The following FOXO1 variants were observed in gnomAD, a reference collection of about 807,000 sequenced individuals.
FOXO1 encodes the protein forkhead box O1.
A neutral mutation model predicts 44.1 loss-of-function variants in FOXO1; 6 were observed. That is an observed-to-expected ratio of 0.14 (90% CI 0.07 to 0.27). The LOEUF (loss-of-function observed/expected upper bound fraction) is 0.27. Among genes scored for constraint, FOXO1 ranks in the 10% least tolerant of loss-of-function variants. FOXO1 has a pLI of 1.00. For missense variants in FOXO1, 737 were observed against 888.8 expected, an observed-to-expected ratio of 0.83 and a Z score of 2.17; for synonymous variants, 380 against 362.7, an observed-to-expected ratio of 1.05 and a Z score of -0.54.
At chr13:40,632,632 C>T (rs1308790267) in intron 1 of FOXO1, among the ~76,000 whole-genome samples, 2 of 150,892 alleles carry the variant, frequency 1.3e-5, no homozygotes, top group African/African-American at 4.9e-5. Flanking sequence ...AGCAAGACTC[C>T]ATTTCAAAAA....
At chr13:40,612,069 A>G (rs142669542) in intron 1 of FOXO1, among the ~76,000 whole-genome samples, 38 of 152,254 alleles carry the variant, frequency 2.5e-4, no homozygotes, top group East Asian at 9.7e-4. Context: ...ACCCTGTCTC[A>G]ATAAATAAAT....
At chr13:40,657,058 C>A (rs986967144) in intron 1 of FOXO1, among the ~76,000 whole-genome samples, 12 of 152,152 alleles carry the variant, frequency 7.9e-5, no homozygotes, top group African/African-American at 2.4e-4. Flanking sequence ...TGGTCTCAAT[C>A]TCCTGACTTC....
intron 1 of FOXO1, among the ~76,000 whole-genome samples, chr13:40,577,740 C>T (rs1475113954): frequency 2.0e-5 from 3 of 152,084 alleles, no homozygotes; most frequent in East Asian, 3.9e-4. Flanking sequence ...AAATATTATA[C>T]ATGAACTTTT....
chr13:40,558,808 T>C lies in FOXO1; in HGVS notation c.*241A>G, dbSNP rs1873857984. 4 of 398,968 alleles carry C rather than the reference T, an allele frequency of 1.0e-5. No individual in the cohort carries two copies. The highest frequency in any genetic ancestry group is 1.8e-5 in the Non-Finnish European group (4 of 226,034). The allele number at this position is 398,968 out of a possible 1,614,324, so 24.7% of individuals were successfully genotyped here. ...CACTTCATTGTAATGAAATTTCCAA[T>C]GGCACAGTCCTTATCTACAGCAGCA... is the stretch of plus-strand genomic sequence containing the variant. On this transcript the variant is annotated 3_prime_UTR_variant, in exon 3 of 3. Transcript: ENST00000379561.
At chr13:40,590,610 C>T (rs1875331450) in intron 1 of FOXO1, among the ~76,000 whole-genome samples, 1 of 152,238 alleles carries the variant, frequency 6.6e-6, no homozygotes, top group Non-Finnish European at 1.5e-5. Context: ...TCCATCTCCA[C>T]AGCATGGGTT....
chr13:40,619,760 C>G lies in FOXO1; in HGVS notation c.630+45823G>C. On this transcript the variant is annotated intron_variant, in intron 1 of 2. Transcript: ENST00000379561. ...ACAGTAGGAAGATTAAAAAATGGAA[C>G]TGGGGGATCAGCTGGCATTCCCAGA... The G allele has an allele frequency of 3.5e-6, 3 of 845,714 alleles. No homozygotes were observed. In the South Asian group the frequency reaches 4.0e-5, roughly 11 times the overall value. The allele number at this position is 845,714 out of a possible 1,614,324, so 52.4% of individuals were successfully genotyped here.
At chr13:40,646,906 C>T (rs1232121247) in intron 1 of FOXO1, among the ~76,000 whole-genome samples, 2 of 152,024 alleles carry the variant, frequency 1.3e-5, no homozygotes, top group African/African-American at 2.4e-5. Flanking sequence ...AACTTCGTAA[C>T]AATTCAAAAG....
intron 1 of FOXO1, among the ~76,000 whole-genome samples, chr13:40,585,634 C>T (rs561415241): frequency 2.0e-5 from 3 of 152,300 alleles, no homozygotes; most frequent in East Asian, 3.9e-4. Flanking sequence ...GTGGAATGCG[C>T]TTTCATGAGA....
At chr13:40,602,374 G>C (rs1338512200) in intron 1 of FOXO1, among the ~76,000 whole-genome samples, 1 of 152,068 alleles carries the variant, frequency 6.6e-6, no homozygotes, top group Non-Finnish European at 1.5e-5. Flanking sequence ...AGCTTTCAAA[G>C]AAAATGTTTA....
chr13:40,653,658 T>TG (rs1480663939), intron 1 of FOXO1, among the ~76,000 whole-genome samples: 1 of 152,190 alleles, frequency 6.6e-6, no homozygotes, highest in African/African-American at 2.4e-5. Context: ...TCATGCGCAT[T>TG]GGCTTTTTTA....
chr13:40,558,911 G>A lies in FOXO1; in HGVS notation c.*138C>T. 2.6e-6 allele frequency: 1 copy of A among 385,904 alleles called. No individual in the cohort carries two copies. Among genetic ancestry groups the A allele is most frequent in the Non-Finnish European group, 4.5e-6 (1 of 223,292 alleles). The allele number at this position is 385,904 out of a possible 1,614,324, so 23.9% of individuals were successfully genotyped here. On this transcript the variant is annotated 3_prime_UTR_variant, in exon 3 of 3. Transcript: ENST00000379561. ...GCCAAGTCTGACGAAAGGAAAAAAG[G>A]AGGGTTTTTTTTTTTGTTTTTTTTT...
At chr13:40,602,952 A>G (rs934041135) in intron 1 of FOXO1, among the ~76,000 whole-genome samples, 2 of 152,194 alleles carry the variant, frequency 1.3e-5, no homozygotes, top group African/African-American at 2.4e-5. Context: ...AGGCAACTTC[A>G]TGTAGGATGA....
At chr13:40,653,084 C>G (rs571006734) in intron 1 of FOXO1, among the ~76,000 whole-genome samples, 14 of 152,266 alleles carry the variant, frequency 9.2e-5, no homozygotes, top group African/African-American at 3.1e-4. Context: ...ATTCTCCTGC[C>G]TCAGCCTCCC....
intron 1 of FOXO1, among the ~76,000 whole-genome samples, chr13:40,615,402 G>T (rs745862056): frequency 6.6e-6 from 1 of 152,072 alleles, no homozygotes; most frequent in East Asian, 1.9e-4. Context: ...GGGCATGGGG[G>T]TGCGCGCCTA....
intron 1 of FOXO1, among the ~76,000 whole-genome samples, chr13:40,572,342 T>C (rs1180364987): frequency 6.6e-6 from 1 of 152,160 alleles, no homozygotes; most frequent in Non-Finnish European, 1.5e-5. Flanking sequence ...TTTATGTGTT[T>C]TTTCGCATAG....
chr13:40,594,343 G>A (rs866189462), intron 1 of FOXO1, among the ~76,000 whole-genome samples: 54 of 152,234 alleles, frequency 3.5e-4, no homozygotes, highest in Admixed American at 1.2e-3. Flanking sequence ...AGTCGCAGGT[G>A]CTCAAGAGCT....
At chr13:40,615,254 G>C (rs188097601) in intron 1 of FOXO1, among the ~76,000 whole-genome samples, 1 of 152,150 alleles carries the variant, frequency 6.6e-6, no homozygotes, top group African/African-American at 2.4e-5. Flanking sequence ...AAAGCAGAGG[G>C]GGCCAGACGC....
In FOXO1 at chr13:40,576,206, A is replaced by C. The variant is rs551401540; in HGVS notation, c.631-15346T>G. 1.8e-4 allele frequency among the ~76,000 whole-genome samples: 27 copies of C among 152,290 alleles called. No individual in the cohort carries two copies. The South Asian group carries it at 5.6e-3, about 32-fold the overall frequency. ...GAAAAGAGAAGAGGTCAGTATGGCC[A>C]TGTATGAGTTTAGACACAGAAAGGG... On this transcript the variant is annotated intron_variant, in intron 1 of 2. Transcript: ENST00000379561.
intron 1 of FOXO1, among the ~76,000 whole-genome samples, chr13:40,635,265 G>C (rs1474362897): frequency 6.6e-6 from 1 of 152,194 alleles, no homozygotes; most frequent in East Asian, 1.9e-4. Context: ...AGAAACACAG[G>C]AGTAAATTTA....
Sources: gnomAD v4.1 joint callset for allele counts (sites outside exome capture counted in the v4.1 genomes callset) on GRCh38, gnomAD v4.1.1 for gene constraint, MANE v1.5 for transcripts, NCBI Gene and HGNC (gene_info 2026-07-23, HGNC 2026-07-21) for gene names.